RHEBL1: variants seen among roughly 807,000 people sequenced by gnomAD.
RHEBL1 encodes the protein GTPase RhebL1.
Under a neutral mutation model 27.4 loss-of-function variants are expected in RHEBL1, and 22 were observed. The ratio of observed to expected loss-of-function variants is 0.80; its 90% CI spans 0.57 to 1.15. The LOEUF (loss-of-function observed/expected upper bound fraction) is 1.15, where lower values mean the gene tolerates loss of function less well. RHEBL1 is among the 50% of genes most tolerant of loss of function. The pLI is 0.00. For missense variants in RHEBL1, 186 were observed against 226.5 expected, an observed-to-expected ratio of 0.82 and a Z score of 1.15; for synonymous variants, 85 against 80.8, an observed-to-expected ratio of 1.05 and a Z score of -0.28.
chr12:49,065,148 A>G lies in RHEBL1; in HGVS notation c.507T>C (p.Arg169=). ...GCTCTTGCCCATAGGAATTCTCCAC[A>G]CGGGCAATCTCCTGGATGACTTTGG... ...IFTKVIQEIA[R]VENSYGQERR... is the part of the protein sequence containing the mutation. Residue 169 remains arginine (R), a synonymous_variant, in exon 8 of 8, where the codon CGT becomes CGC. Coordinates refer to ENST00000301068, the MANE Select transcript of RHEBL1 (RefSeq NM_144593.3). The G allele has an allele frequency of 3.7e-6, 6 of 1,614,126 alleles. No individual in the cohort carries two copies. Among genetic ancestry groups the G allele is most frequent in the Non-Finnish European group, 5.1e-6 (6 of 1,179,964 alleles).
intron 1 of RHEBL1, among the ~76,000 whole-genome samples, chr12:49,069,413 C>T (rs1939050724): frequency 6.6e-6 from 1 of 151,430 alleles, no homozygotes; most frequent in African/African-American, 2.4e-5. Flanking sequence ...AGGACACCTG[C>T]GACTATCTGT....
At position 49,069,863 on chromosome 12, in the gene RHEBL1, C is replaced by G. The variant is rs926738500; in HGVS notation, c.-78G>C. ...AACGAGGTCAGGGTGTGAGCAGGCG[C>G]GGCAGCTGGTGCAGGAAAGTCGCTC... On this transcript the variant is annotated 5_prime_UTR_variant, in exon 1 of 8. Coordinates refer to ENST00000301068, the MANE Select transcript of RHEBL1 (RefSeq NM_144593.3). 2 of 1,317,190 alleles carry G rather than the reference C, an allele frequency of 1.5e-6. No individual in the cohort carries two copies. The highest frequency in any genetic ancestry group is 2.9e-5 in the African/African-American group (2 of 68,638). The allele number at this position is 1,317,190 out of a possible 1,614,324, so 81.6% of individuals were successfully genotyped here. A position where few individuals can be genotyped will look rare whatever the true frequency, so the allele number is the denominator to read the frequency against.
In RHEBL1 at chr12:49,069,930, A is replaced by T. The variant is rs1939062737; in HGVS notation, c.-145T>A. On this transcript the variant is annotated 5_prime_UTR_variant, in exon 1 of 8. Transcript: ENST00000301068. Reference sequence around the variant, plus strand: ...GGGCAAGTTAGAAGGAAACCAAAACAAGCGCCGCGCCCGGAGCTGCCCACG... The same window carrying T: ...GGGCAAGTTAGAAGGAAACCAAAACTAGCGCCGCGCCCGGAGCTGCCCACG... 1.5e-6 allele frequency: 1 copy of T among 681,156 alleles called. No individual in the cohort carries two copies. Among genetic ancestry groups the T allele is most frequent in the East Asian group, 2.7e-5 (1 of 36,386 alleles). 42.2% of individuals were successfully genotyped at this position (681,156 alleles called of 1,614,324 possible). A position where few individuals can be genotyped will look rare whatever the true frequency, so the allele number is the denominator to read the frequency against.
chr12:49,066,122 A>C, intron 6 of RHEBL1, 109 bp downstream of exon 6: 1 of 810,208 alleles, frequency 1.2e-6, no homozygotes, highest in East Asian at 2.5e-5. Context: ...TTAGAGACAA[A>C]GAGAGGTGAA....
At chr12:49,065,317 C>T (rs1938977859) in intron 7 of RHEBL1, 33 bp downstream of exon 7, 1 of 1,599,736 alleles carries the variant, frequency 6.3e-7, no homozygotes, top group Non-Finnish European at 8.6e-7. Flanking sequence ...ACACAGCTAC[C>T]ATCACCACCC....
chr12:49,069,710 G>T, intron 1 of RHEBL1, 24 bp downstream of exon 1: 1 of 1,611,404 alleles, frequency 6.2e-7, no homozygotes, highest in South Asian at 1.1e-5. Flanking sequence ...CTGCGCGTCC[G>T]AGCTCTGCAG....
At position 49,064,979 on chromosome 12, in the gene RHEBL1, T is replaced by G; in HGVS notation, c.*124A>C. 1 of 707,182 alleles carries G rather than the reference T, an allele frequency of 1.4e-6. No homozygotes were observed. Among genetic ancestry groups the G allele is most frequent in the South Asian group, 1.6e-5 (1 of 62,154 alleles). The allele number at this position is 707,182 out of a possible 1,614,324, so 43.8% of individuals were successfully genotyped here. ...GTGTGCAAACATGAGGATGCCACAC[T>G]GTGTGTCCAGGGGCCAGGAACACAG... is the stretch of plus-strand genomic sequence containing the variant. On this transcript the variant is annotated 3_prime_UTR_variant, in exon 8 of 8. Transcript: ENST00000301068.
At position 49,068,728 on chromosome 12, in the gene RHEBL1, G is replaced by A. The variant is rs575111930; in HGVS notation, c.124+307C>T. On this transcript the variant is annotated intron_variant, in intron 2 of 7. Coordinates refer to ENST00000301068, the MANE Select transcript of RHEBL1 (RefSeq NM_144593.3). ...TGGGATTACAGGCATGAGCCACTGCGCCCAGCCTCCCCTTACATTCTTAAC... is the reference window on the plus strand; with the variant it reads ...TGGGATTACAGGCATGAGCCACTGCACCCAGCCTCCCCTTACATTCTTAAC... Among the ~76,000 whole-genome samples the A allele has an allele frequency of 4.6e-5, 7 of 152,236 alleles. No homozygotes were observed. In the East Asian group the frequency reaches 7.7e-4, roughly 17 times the overall value.
intron 3 of RHEBL1, 77 bp downstream of exon 3, chr12:49,066,891 G>A: frequency 5.5e-6 from 7 of 1,262,776 alleles, no homozygotes; most frequent in Non-Finnish European, 8.1e-6. Flanking sequence ...CTACTTTACG[G>A]ATGAGCCACA....
Position 49,069,060 on chromosome 12 carries a change from T to C in RHEBL1, c.99A>G (p.Glu33=). The C allele has an allele frequency of 6.2e-7, 1 of 1,614,174 alleles. No homozygotes were observed. The highest frequency in any genetic ancestry group is 8.5e-7 in the Non-Finnish European group (1 of 1,180,010). Residue 33 remains glutamate, a synonymous_variant, in exon 2 of 8, where the codon GAA becomes GAG. Coordinates refer to ENST00000301068, the MANE Select transcript of RHEBL1 (RefSeq NM_144593.3). ...AHQFVEGEFS[E]GYDPTVENTY... ...TATTCTCCACTGTAGGATCGTAGCC[T>C]TCCGAGAACTCGCCTTCCACAAATT...
Position 49,066,668 on chromosome 12 carries a change from T to C in RHEBL1, c.226A>G (p.Ile76Val), listed in dbSNP as rs1565839166. The C allele has an allele frequency of 6.2e-7, 1 of 1,614,108 alleles. No individual in the cohort carries two copies. Among genetic ancestry groups the C allele is most frequent in the Non-Finnish European group, 8.5e-7 (1 of 1,180,014 alleles). ...ACAAGCACATAACCATGGACCCCAA[T>C]GATGAATGAATAGGGCAGAATGCTG... ...EYSILPYSFI[I>V]GVHGYVLVYS... The change falls in exon 4 of 8, where the codon ATT becomes GTT. Residue 76 changes from isoleucine (I) to valine (V), a missense_variant. Around this residue, in one of 3 missense-constraint regions of RHEBL1, gnomAD observed 34 missense variants for 69.3 expected, o/e 0.49. Coordinates refer to ENST00000301068, the MANE Select transcript of RHEBL1 (RefSeq NM_144593.3).
At chr12:49,065,464 A>G in intron 6 of RHEBL1, 33 bp from the exon 7 acceptor site, 2 of 1,562,374 alleles carry the variant, frequency 1.3e-6, no homozygotes, top group Non-Finnish European at 1.8e-6. Flanking sequence ...AAGATGGAGG[A>G]TAGAAATGTC....
intron 2 of RHEBL1, among the ~76,000 whole-genome samples, 186 bp from the exon 3 acceptor site, chr12:49,067,221 G>C (rs1262029214): frequency 1.3e-5 from 2 of 150,572 alleles, no homozygotes; most frequent in East Asian, 2.0e-4. Context: ...TCCTGCCTCA[G>C]CCTCCCGAGT....
chr12:49,067,249 C>A (rs1939013294), intron 2 of RHEBL1, among the ~76,000 whole-genome samples: 1 of 151,730 alleles, frequency 6.6e-6, no homozygotes, highest in Non-Finnish European at 1.5e-5. Flanking sequence ...ATTACAGGGA[C>A]CTGCCACCAT....
chr12:49,067,023 A>G lies in RHEBL1; in HGVS notation c.137T>C (p.Ile46Thr), dbSNP rs770535192. ...AAACTCATCTTTGCCAAGAGTCACT[A>G]TCTTGCTGTAAGCTGAAAAGAAAAG... ...DPTVENTYSK[I>T]VTLGKDEFHL... Residue 46 changes from isoleucine (I) to threonine (T), a missense_variant, in exon 3 of 8, where the codon ATA becomes ACA. Physicochemically the swap from Ile to Thr is moderately conservative, Grantham distance 89. Transcript: ENST00000301068. The G allele has an allele frequency of 6.2e-7, 1 of 1,613,240 alleles. No individual in the cohort carries two copies. The highest frequency in any genetic ancestry group is 8.5e-7 in the Non-Finnish European group (1 of 1,179,634).
Position 49,066,470 on chromosome 12 carries a change from A to G in RHEBL1, c.332+6T>C. The G allele has an allele frequency of 6.2e-7, 1 of 1,613,094 alleles. No homozygotes were observed. Among genetic ancestry groups the G allele is most frequent in the Non-Finnish European group, 8.5e-7 (1 of 1,179,534 alleles). On this transcript the variant is annotated splice_donor_region_variant and intron_variant, in intron 5 of 7. Transcript: ENST00000301068. ...CACTATGTCCCTATCCCCCAGGGCC[A>G]CTTACCGGGTTTTCCCATGGCCTTC...
chr12:49,069,435 C>T (rs1939051057), intron 1 of RHEBL1, among the ~76,000 whole-genome samples: 1 of 151,912 alleles, frequency 6.6e-6, no homozygotes, highest in Non-Finnish European at 1.5e-5. Flanking sequence ...CCCACGGAGA[C>T]CGCGTCCCGG....
chr12:49,069,859 G>A lies in RHEBL1; in HGVS notation c.-74C>T. On this transcript the variant is annotated 5_prime_UTR_variant, in exon 1 of 8. Transcript: ENST00000301068. ...CGAAAACGAGGTCAGGGTGTGAGCAGGCGCGGCAGCTGGTGCAGGAAAGTC... is the reference window on the plus strand; with the variant it reads ...CGAAAACGAGGTCAGGGTGTGAGCAAGCGCGGCAGCTGGTGCAGGAAAGTC... The A allele has an allele frequency of 7.4e-7, 1 of 1,356,364 alleles. No homozygotes were observed. The highest frequency in any genetic ancestry group is 1.0e-6 in the Non-Finnish European group (1 of 952,546). 84.0% of individuals were successfully genotyped at this position (1,356,364 alleles called of 1,614,324 possible).
Position 49,069,727 on chromosome 12 carries a change from G to T in RHEBL1, c.52+7C>A. 6.2e-7 allele frequency: 1 copy of T among 1,613,356 alleles called. No individual in the cohort carries two copies. The highest frequency in any genetic ancestry group is 1.1e-5 in the South Asian group (1 of 91,068). ...GCGCGTCCGAGCTCTGCAGGGCGGAGACTCACCTACACAGCGGTATCCGAG... is the reference window on the plus strand; with the variant it reads ...GCGCGTCCGAGCTCTGCAGGGCGGATACTCACCTACACAGCGGTATCCGAG... On this transcript the variant is annotated splice_region_variant and intron_variant, in intron 1 of 7. Coordinates refer to ENST00000301068, the MANE Select transcript of RHEBL1 (RefSeq NM_144593.3).
Sources: allele counts gnomAD v4.1 joint callset (sites outside exome capture counted in the v4.1 genomes callset), GRCh38; gene constraint gnomAD v4.1.1; regional missense constraint gnomAD v4.1.1; transcripts MANE v1.5; gene names NCBI Gene and HGNC (gene_info 2026-07-23, HGNC 2026-07-21).